Variants in FN3K observed in about 807,000 individuals in gnomAD.
The protein encoded by FN3K is fructosamine-3-kinase.
A neutral mutation model predicts 24.8 loss-of-function variants in FN3K; 24 were observed. That is an observed-to-expected ratio of 0.97 (90% CI 0.70 to 1.36). FN3K has a LOEUF of 1.36. Ranked by LOEUF, FN3K falls within the 40% of genes most tolerant of loss-of-function variation. The pLI is 0.00. For missense variants in FN3K, 449 were observed against 416.7 expected, an observed-to-expected ratio of 1.08 and a Z score of -0.67; for synonymous variants, 192 against 175.2, an observed-to-expected ratio of 1.10 and a Z score of -0.76.
rs72854314 is a variant in FN3K, at chr17:82,741,530, C to T, written c.468+137C>T. The T allele has an allele frequency of 7.3e-3, 5,939 of 817,318 alleles. 31 individuals are homozygous for T. The highest frequency in any genetic ancestry group is 0.018 in the Middle Eastern group (68 of 3,788). The allele number at this position is 817,318 out of a possible 1,614,324, so 50.6% of individuals were successfully genotyped here. ...TGAAAGCAGAGTAGAAGCTGTGATACCTGGAATGGGGAGAGCAGACGCTGA... is the reference window on the plus strand; with the variant it reads ...TGAAAGCAGAGTAGAAGCTGTGATATCTGGAATGGGGAGAGCAGACGCTGA... On this transcript the variant is annotated intron_variant, in intron 4 of 5. Coordinates refer to ENST00000300784, the MANE Select transcript of FN3K (RefSeq NM_022158.4).
intron 4 of FN3K, among the ~76,000 whole-genome samples, chr17:82,743,498 G>A (rs2046951817): frequency 6.6e-6 from 1 of 152,124 alleles, no homozygotes; most frequent in Non-Finnish European, 1.5e-5. Context: ...AATGGGTCCT[G>A]GGGGAATGTG....
rs1411753546 is a variant in FN3K at position 82,741,325 on chromosome 17, G to T, written c.400G>T (p.Gly134Cys). ...TCTGTCAACAGGCCGAAGAGGTGAGGGTGCTGAGCCTCAGTATGTGGACAA... is the reference window on the plus strand; with the variant it reads ...TCTGTCAACAGGCCGAAGAGGTGAGTGTGCTGAGCCTCAGTATGTGGACAA... ...EENTVGRRGE[G>C]AEPQYVDKFG... The change falls in exon 4 of 6, where the codon GGT becomes TGT. Residue 134 changes from glycine to cysteine, a missense_variant. Physicochemically the swap from Gly to Cys is radical, Grantham distance 159. Coordinates refer to ENST00000300784, the MANE Select transcript of FN3K (RefSeq NM_022158.4). 3 of 1,613,884 alleles carry T rather than the reference G, an allele frequency of 1.9e-6. No individual in the cohort carries two copies. The highest frequency in any genetic ancestry group is 1.3e-5 in the African/African-American group (1 of 75,040).
rs753580947 is a variant in FN3K, at chr17:82,735,669, C to T, written c.33C>T (p.Thr11=). MEQLLRAELR[T]ATLRAFGGPG... ...AGCTGCTGCGCGCCGAGCTGCGCAC[C>T]GCGACCCTGCGGGCCTTCGGCGGCC... Residue 11 remains threonine, a synonymous_variant, in exon 1 of 6, where the codon ACC becomes ACT. Coordinates refer to ENST00000300784, the MANE Select transcript of FN3K (RefSeq NM_022158.4). The T allele has an allele frequency of 8.3e-5, 127 of 1,538,452 alleles. No homozygotes were observed. The highest frequency in any genetic ancestry group is 9.8e-5 in the Non-Finnish European group (112 of 1,147,046).
chr17:82,749,383 G>A (rs1037404246), intron 5 of FN3K: 12 of 338,264 alleles, frequency 3.5e-5, no homozygotes, highest in East Asian at 1.6e-4. Flanking sequence ...CATAACTCTC[G>A]GCCGGGCACA....
intron 2 of FN3K, among the ~76,000 whole-genome samples, chr17:82,740,518 A>G (rs2046935375): frequency 2.6e-5 from 4 of 151,530 alleles, no homozygotes; most frequent in Non-Finnish European, 1.5e-5. Context: ...CTTGAGCCCT[A>G]GAAGTCAAAG....
intron 1 of FN3K, 49 bp from the exon 2 acceptor site, chr17:82,738,440 A>G: frequency 6.2e-7 from 1 of 1,610,418 alleles, no homozygotes; most frequent in Non-Finnish European, 8.5e-7. Flanking sequence ...CAGTGGGCAG[A>G]GGCCCTGGCT....
intron 4 of FN3K, chr17:82,742,733 T>C: frequency 4.4e-6 from 2 of 456,160 alleles, no homozygotes; most frequent in South Asian, 3.1e-5. Flanking sequence ...GAAGCCAATA[T>C]TGGACCATAT....
At chr17:82,741,072 T>G in intron 3 of FN3K, 2 of 659,028 alleles carry the variant, frequency 3.0e-6, no homozygotes, top group South Asian at 3.5e-5. Context: ...CCAGCCCTCC[T>G]GTCTGGTGTG....
At chr17:82,745,935 A>C (rs2046966011) in intron 4 of FN3K, among the ~76,000 whole-genome samples, 1 of 152,042 alleles carries the variant, frequency 6.6e-6, no homozygotes. Flanking sequence ...CTACTAAAAA[A>C]TACAAAAAAT....
Position 82,747,768 on chromosome 17 carries a change from T to C in FN3K, c.469-1087T>C, listed in dbSNP as rs920188038. Among the ~76,000 whole-genome samples, 34 of 151,920 alleles carry C rather than the reference T, an allele frequency of 2.2e-4. 1 individual carries two copies. Among genetic ancestry groups the C allele is most frequent in the Admixed American group, 2.0e-3 (30 of 15,288 alleles). On this transcript the variant is annotated intron_variant, in intron 4 of 5. Transcript: ENST00000300784. ...AAATTCTTCTCAATTTATTGAGATC[T>C]GTTTGCATGGAGAGAGAAATCCTAC...
chr17:82,738,149 A>G (rs1222931274), intron 1 of FN3K: 1 of 257,946 alleles, frequency 3.9e-6, no homozygotes, highest in Admixed American at 4.7e-5. Context: ...GAAGGTGGGT[A>G]GCCCGGGGGT....
At position 82,742,776 on chromosome 17, in the gene FN3K, A is replaced by G. The variant is rs547871424; in HGVS notation, c.468+1383A>G. ...TTGTTAGGAACACAGCACCCATTAT[A>G]TAAGAGCTAGTTCAAAGTCACTGCT... On this transcript the variant is annotated intron_variant, in intron 4 of 5. Transcript: ENST00000300784. 3.4e-4 allele frequency: 154 copies of G among 448,880 alleles called. 4 individuals are homozygous for G. The highest frequency in any genetic ancestry group is 2.1e-3 in the South Asian group (133 of 62,768). The allele number at this position is 448,880 out of a possible 1,614,324, so 27.8% of individuals were successfully genotyped here. A position where few individuals can be genotyped will look rare whatever the true frequency, so the allele number is the denominator to read the frequency against.
chr17:82,735,692 G>A lies in FN3K; in HGVS notation c.56G>A (p.Gly19Asp), dbSNP rs1178742492. Residue 19 changes from glycine to aspartate, a missense_variant, in exon 1 of 6, where the codon GGC (glycine) becomes GAC (aspartate). Coordinates refer to ENST00000300784, the MANE Select transcript of FN3K (RefSeq NM_022158.4). ...ACCGCGACCCTGCGGGCCTTCGGCGGCCCCGGCGCCGGCTGCATCAGCGAG... is the reference window on the plus strand; with the variant it reads ...ACCGCGACCCTGCGGGCCTTCGGCGACCCCGGCGCCGGCTGCATCAGCGAG... ...LRTATLRAFG[G>D]PGAGCISEGR... The A allele has an allele frequency of 1.3e-6, 2 of 1,543,384 alleles. No homozygotes were observed. The highest frequency in any genetic ancestry group is 8.7e-7 in the Non-Finnish European group (1 of 1,147,166).
Position 82,735,745 on chromosome 17 carries a change from C to T in FN3K, c.109C>T (p.Pro37Ser). ...EGRAYDTDAGPVFVKVNRRTQ... is the reference protein window; with the variant it reads ...EGRAYDTDAGSVFVKVNRRTQ... ...CCGAGCCTACGACACGGACGCAGGC[C>T]CAGTGTTCGTCAAAGTCAACCGCAG... The change falls in exon 1 of 6, where the codon CCA becomes TCA. Residue 37 changes from proline to serine, a missense_variant. By Grantham distance (74) the Pro-to-Ser change is moderately conservative. Transcript: ENST00000300784. 1 of 1,563,136 alleles carries T rather than the reference C, an allele frequency of 6.4e-7. No homozygotes were observed. The highest frequency in any genetic ancestry group is 8.7e-7 in the Non-Finnish European group (1 of 1,155,826).
chr17:82,749,227 T>G lies in FN3K; in HGVS notation c.591+250T>G, dbSNP rs200106619. Reference sequence around the variant, plus strand: ...TCACCAGGTATTTAGCCTCAGACTTTCCTCATGTGAAACACAGGTGCTTGT... The same window carrying G: ...TCACCAGGTATTTAGCCTCAGACTTGCCTCATGTGAAACACAGGTGCTTGT... On this transcript the variant is annotated intron_variant, in intron 5 of 5. Transcript: ENST00000300784. 2.3e-4 allele frequency: 134 copies of G among 571,250 alleles called. 2 individuals are homozygous for G. The East Asian group carries it at 3.1e-3, about 13-fold the overall frequency. The allele number at this position is 571,250 out of a possible 1,614,324, so 35.4% of individuals were successfully genotyped here. A position where few individuals can be genotyped will look rare whatever the true frequency, so the allele number is the denominator to read the frequency against.
intron 2 of FN3K, among the ~76,000 whole-genome samples, chr17:82,739,633 ATT>A (rs1639051615): frequency 6.6e-6 from 1 of 151,664 alleles, no homozygotes; most frequent in African/African-American, 2.4e-5. Flanking sequence ...AATTTTTTGT[ATT>A]TTTAGTAGAG....
intron 2 of FN3K, among the ~76,000 whole-genome samples, chr17:82,740,263 C>T (rs1447803532): frequency 7.9e-5 from 12 of 152,026 alleles, no homozygotes; most frequent in Admixed American, 7.9e-4. Context: ...TTCCTGGTAC[C>T]TCCTAAGACT....
rs2047027098 is a variant in FN3K, at chr17:82,750,919, C to T, written c.*164C>T. On this transcript the variant is annotated 3_prime_UTR_variant, in exon 6 of 6. Coordinates refer to ENST00000300784, the MANE Select transcript of FN3K (RefSeq NM_022158.4). ...CCCCATCCTCCTGTCCCCGTCCCCCCGTCCCCGTCCCTCCATCCCTGTCCC... is the reference window on the plus strand; with the variant it reads ...CCCCATCCTCCTGTCCCCGTCCCCCTGTCCCCGTCCCTCCATCCCTGTCCC... 1 of 385,972 alleles carries T rather than the reference C, an allele frequency of 2.6e-6. No individual in the cohort carries two copies. The highest frequency in any genetic ancestry group is 4.6e-6 in the Non-Finnish European group (1 of 215,212). The allele number at this position is 385,972 out of a possible 1,614,324, so 23.9% of individuals were successfully genotyped here. A position where few individuals can be genotyped will look rare whatever the true frequency, so the allele number is the denominator to read the frequency against.
intron 4 of FN3K, among the ~76,000 whole-genome samples, chr17:82,743,544 G>A (rs2046952137): frequency 6.6e-6 from 1 of 152,176 alleles, no homozygotes; most frequent in Admixed American, 6.5e-5. Flanking sequence ...TGAGCGGCGG[G>A]CTCCTCAGAC....
Sources: allele counts gnomAD v4.1 joint callset (sites outside exome capture counted in the v4.1 genomes callset), GRCh38; gene constraint gnomAD v4.1.1; transcripts MANE v1.5; gene names NCBI Gene and HGNC (gene_info 2026-07-23, HGNC 2026-07-21).